Variants in AKAP19 observed in about 807,000 individuals in gnomAD.
The protein encoded by AKAP19 is small A-kinase anchoring protein.
chr2:190,130,494 T>A, the AKAP19 span, among the ~76,000 whole-genome samples: 1 of 152,144 alleles, frequency 6.6e-6, no homozygotes, highest in Non-Finnish European at 1.5e-5. Context: ...TGCAAAAAAA[T>A]TTTAAAAAGC....
the AKAP19 span, among the ~76,000 whole-genome samples, chr2:190,027,952 T>C: frequency 0.016 from 2,489 of 152,298 alleles, 73 homozygotes; most frequent in African/African-American, 0.057. Flanking sequence ...AACAAGGCAT[T>C]ATAGAATTTT....
the AKAP19 span, among the ~76,000 whole-genome samples, chr2:190,047,180 C>T: frequency 6.6e-6 from 1 of 152,180 alleles, no homozygotes; most frequent in East Asian, 1.9e-4. Context: ...GCCCAAGACC[C>T]TATCTTTCCA....
chr2:190,180,293 C>T, the AKAP19 span, among the ~76,000 whole-genome samples: 1 of 152,166 alleles, frequency 6.6e-6, no homozygotes, highest in Admixed American at 6.5e-5. The surrounding 1 kb of genome is among the most constrained non-coding windows in gnomAD (Gnocchi z 6.8). Context: ...AGGCCGCGGC[C>T]AGGCTGCGGG....
At chr2:190,183,453 T>C in the AKAP19 span, among the ~76,000 whole-genome samples, 11 of 152,034 alleles carry the variant, frequency 7.2e-5, no homozygotes, top group Non-Finnish European at 1.3e-4. Flanking sequence ...TAAATAACAT[T>C]AGTTTAAAAA....
chr2:189,909,306 A>C, the AKAP19 span, among the ~76,000 whole-genome samples: 1 of 24,408 alleles, frequency 4.1e-5, no homozygotes, highest in Admixed American at 8.0e-4. Context: ...TTTAATAAAA[A>C]TTTCAGTCAC....
the AKAP19 span, among the ~76,000 whole-genome samples, chr2:190,148,727 A>C: frequency 1.1e-3 from 160 of 152,242 alleles, no homozygotes; most frequent in African/African-American, 3.7e-3. Flanking sequence ...TCCTGATTTA[A>C]GCTAGGAGGA....
chr2:190,126,330 A>G, the AKAP19 span, among the ~76,000 whole-genome samples: 1 of 136,048 alleles, frequency 7.4e-6, no homozygotes, highest in Admixed American at 7.3e-5. Context: ...AAAAAGGTGT[A>G]TATTTTGTGC....
chr2:190,174,364 G>T, the AKAP19 span, among the ~76,000 whole-genome samples: 1 of 152,162 alleles, frequency 6.6e-6, no homozygotes, highest in Admixed American at 6.5e-5. Flanking sequence ...CATCAGAGCA[G>T]CGCAGATTAA....
the AKAP19 span, among the ~76,000 whole-genome samples, chr2:190,075,685 A>T: frequency 1.3e-5 from 2 of 152,104 alleles, no homozygotes; most frequent in African/African-American, 4.8e-5. Context: ...TTTATGTTGT[A>T]TCTTTTCCCA....
chr2:190,201,541 A>G, the AKAP19 span: 1 of 167,096 alleles, frequency 6.0e-6, no homozygotes, highest in African/African-American at 2.4e-5. Context: ...TGAGATAAAT[A>G]TGTATTTGTC....
the AKAP19 span, among the ~76,000 whole-genome samples, chr2:189,952,216 A>C: frequency 7.9e-5 from 12 of 152,152 alleles, no homozygotes; most frequent in Admixed American, 7.2e-4. Flanking sequence ...ATTAAATAAA[A>C]CTTGTATGCT....
At chr2:189,965,640 A>T in the AKAP19 span, among the ~76,000 whole-genome samples, 1 of 149,734 alleles carries the variant, frequency 6.7e-6, no homozygotes, top group Non-Finnish European at 1.5e-5. Context: ...TAAAAAAATA[A>T]AAAAAAAAAT....
At chr2:190,014,148 T>C in the AKAP19 span, among the ~76,000 whole-genome samples, 1 of 152,358 alleles carries the variant, frequency 6.6e-6, no homozygotes, top group South Asian at 2.1e-4. Flanking sequence ...CAAAAATTCT[T>C]TTTATTTCCC....
At chr2:189,972,968 C>T in the AKAP19 span, among the ~76,000 whole-genome samples, 2 of 152,104 alleles carry the variant, frequency 1.3e-5, no homozygotes, top group Non-Finnish European at 2.9e-5. Flanking sequence ...ATTGAATATC[C>T]TTTATTTCTT....
the AKAP19 span, among the ~76,000 whole-genome samples, chr2:190,020,040 C>T: frequency 6.6e-6 from 1 of 152,134 alleles, no homozygotes; most frequent in Non-Finnish European, 1.5e-5. Flanking sequence ...TATTTTAGTT[C>T]CTGATTCTTT....
chr2:190,140,462 A>G, the AKAP19 span, among the ~76,000 whole-genome samples: 33 of 152,312 alleles, frequency 2.2e-4, no homozygotes, highest in African/African-American at 7.5e-4. Flanking sequence ...TTGGACATCC[A>G]GGCATCTTCT....
the AKAP19 span, among the ~76,000 whole-genome samples, chr2:190,122,149 C>T: frequency 6.6e-6 from 1 of 152,300 alleles, no homozygotes; most frequent in East Asian, 1.9e-4. Flanking sequence ...AGCAGTTGAG[C>T]TAAGACTGCA....
chr2:190,126,778 CA>C, the AKAP19 span, among the ~76,000 whole-genome samples: 5 of 150,770 alleles, frequency 3.3e-5, no homozygotes, highest in Non-Finnish European at 7.4e-5. Flanking sequence ...AAAAAAAAAA[CA>C]AAGTGAAGAT....
At chr2:190,148,616 G>A in the AKAP19 span, among the ~76,000 whole-genome samples, 15 of 152,166 alleles carry the variant, frequency 9.9e-5, no homozygotes, top group African/African-American at 2.7e-4. Context: ...GTAGAATTCT[G>A]CTGTGAATCC....
Sources: gnomAD v4.1 joint callset for allele counts (sites outside exome capture counted in the v4.1 genomes callset) on GRCh38, gnomAD v4.1.1 for gene constraint, Gnocchi (gnomAD v3.1) non-coding constraint, MANE v1.5 for transcripts, NCBI Gene and HGNC (gene_info 2026-07-23, HGNC 2026-07-21) for gene names.